The following GKAP1 variants were observed in gnomAD, a reference collection of about 807,000 sequenced individuals.
The protein encoded by GKAP1 is G kinase anchoring protein 1.
Under a neutral mutation model 56.7 loss-of-function variants are expected in GKAP1, and 31 were observed. That is an observed-to-expected ratio of 0.55 (90% CI 0.41 to 0.74). The LOEUF (loss-of-function observed/expected upper bound fraction) is 0.74, where lower values mean the gene tolerates loss of function less well. GKAP1 is among the 30% of genes least tolerant of loss of function. GKAP1 has a pLI of 0.00. For synonymous variants in GKAP1, 151 were observed against 138.6 expected (o/e 1.09, Z -0.63); for missense variants, 364 against 402.3 (o/e 0.90, Z 0.82).
At chr9:83,760,934 A>G (rs921881397) in intron 8 of GKAP1, among the ~76,000 whole-genome samples, 1 of 152,010 alleles carries the variant, frequency 6.6e-6, no homozygotes, top group Non-Finnish European at 1.5e-5. Flanking sequence ...CAAATAAACA[A>G]CCTAACAATT....
chr9:83,806,713 A>G (rs1944444621), intron 2 of GKAP1, among the ~76,000 whole-genome samples, 153 bp from the exon 3 acceptor site: 2 of 152,236 alleles, frequency 1.3e-5, no homozygotes, highest in South Asian at 4.1e-4. Flanking sequence ...TAGCAATAAC[A>G]TACTTTTATA....
At chr9:83,808,170 T>A (rs1255375661) in intron 2 of GKAP1, among the ~76,000 whole-genome samples, 2 of 152,210 alleles carry the variant, frequency 1.3e-5, no homozygotes, top group East Asian at 3.8e-4. Context: ...TTGGCTCCAA[T>A]CTTTTCTACA....
In GKAP1 at chr9:83,763,138, T is replaced by C. The variant is rs112964471; in HGVS notation, c.738+5680A>G. On this transcript the variant is annotated intron_variant, in intron 8 of 12. Transcript: ENST00000376371. ...AAAGATCTTGTTATTTGCAACAACA[T>C]GGGTGGAACTGGAGGTCATATGCTA... 3.5e-3 allele frequency among the ~76,000 whole-genome samples: 534 copies of C among 152,246 alleles called. 1 individual carries two copies. The highest frequency in any genetic ancestry group is 0.01 in the African/African-American group (416 of 41,550).
intron 7 of GKAP1, among the ~76,000 whole-genome samples, chr9:83,772,433 T>C (rs1204749248): frequency 3.9e-5 from 6 of 152,256 alleles, no homozygotes; most frequent in Admixed American, 6.5e-5. Context: ...CACAGACTCT[T>C]AAAGGAAGAA....
At chr9:83,797,071 G>A (rs1944260205) in intron 4 of GKAP1, among the ~76,000 whole-genome samples, 1 of 152,152 alleles carries the variant, frequency 6.6e-6, no homozygotes, top group Admixed American at 6.6e-5. Context: ...TCCAGTGTTT[G>A]CTCATAAACA....
intron 8 of GKAP1, among the ~76,000 whole-genome samples, chr9:83,765,336 G>A (rs115755941): frequency 1.3e-5 from 2 of 152,226 alleles, no homozygotes; most frequent in Non-Finnish European, 2.9e-5. Context: ...GGATGTCCAG[G>A]TAGAGAGGTG....
intron 4 of GKAP1, among the ~76,000 whole-genome samples, chr9:83,790,307 T>G (rs530608039): frequency 1.3e-5 from 2 of 152,234 alleles, no homozygotes; most frequent in Non-Finnish European, 2.9e-5. Context: ...TCTGAACTAG[T>G]AATTAGCAAG....
chr9:83,742,395 G>T (rs996765499), intron 11 of GKAP1, 135 bp downstream of exon 11: 4 of 614,412 alleles, frequency 6.5e-6, no homozygotes, highest in Non-Finnish European at 8.5e-6. Flanking sequence ...CTTCATTCAT[G>T]GGCTATTACA....
intron 3 of GKAP1, among the ~76,000 whole-genome samples, chr9:83,805,818 T>G (rs528765184): frequency 6.6e-6 from 1 of 152,294 alleles, no homozygotes; most frequent in East Asian, 1.9e-4. Context: ...AGAAAAAACG[T>G]ACTTTAAAAA....
chr9:83,747,480 T>G (rs1017190463), intron 10 of GKAP1, among the ~76,000 whole-genome samples: 2 of 152,166 alleles, frequency 1.3e-5, no homozygotes, highest in African/African-American at 4.8e-5. Context: ...AGCAGAATCC[T>G]AAGCAAATGT....
At chr9:83,792,499 C>T (rs889567683) in intron 4 of GKAP1, among the ~76,000 whole-genome samples, 1 of 151,966 alleles carries the variant, frequency 6.6e-6, no homozygotes, top group Non-Finnish European at 1.5e-5. Flanking sequence ...TGTAGCAGCG[C>T]AGAAAATAAA....
rs114230717 is a variant in GKAP1, at chr9:83,786,072, T to C, written c.439-1234A>G. Among the ~76,000 whole-genome samples, 694 of 152,250 alleles carry C rather than the reference T, an allele frequency of 4.6e-3. 2 individuals carry two copies. Among genetic ancestry groups the C allele is most frequent in the African/African-American group, 0.016 (651 of 41,554 alleles). ...GTAATAAGACTCTTTAAAGAATCCTTTCCTAAAACCCATCCCCAACAAAGG... is the reference window on the plus strand; with the variant it reads ...GTAATAAGACTCTTTAAAGAATCCTCTCCTAAAACCCATCCCCAACAAAGG... On this transcript the variant is annotated intron_variant, in intron 5 of 12. Transcript: ENST00000376371.
At chr9:83,780,663 A>G (rs1040688882) in intron 6 of GKAP1, among the ~76,000 whole-genome samples, 8 of 152,136 alleles carry the variant, frequency 5.3e-5, no homozygotes, top group Admixed American at 1.3e-4. Flanking sequence ...ATCAAGGGAT[A>G]TTATTGCATT....
chr9:83,753,213 A>C lies in GKAP1; in HGVS notation c.840+45T>G, dbSNP rs563272405. 1.2e-4 allele frequency: 144 copies of C among 1,161,926 alleles called. 2 individuals carry two copies. The South Asian group carries it at 1.8e-3, about 15-fold the overall frequency. The allele number at this position is 1,161,926 out of a possible 1,614,324, so 72.0% of individuals were successfully genotyped here. A position where few individuals can be genotyped will look rare whatever the true frequency, so the allele number is the denominator to read the frequency against. On this transcript the variant is annotated intron_variant, in intron 9 of 12. Coordinates refer to ENST00000376371, the MANE Select transcript of GKAP1 (RefSeq NM_025211.4). ...ATATAAGAAAAACAGAAAACGTGAAAATTTATAGAATTATTTTCTTTAACA... is the reference window on the plus strand; with the variant it reads ...ATATAAGAAAAACAGAAAACGTGAACATTTATAGAATTATTTTCTTTAACA...
intron 8 of GKAP1, among the ~76,000 whole-genome samples, chr9:83,754,893 G>A (rs1172544624): frequency 6.6e-6 from 1 of 152,172 alleles, no homozygotes; most frequent in Non-Finnish European, 1.5e-5. Context: ...GGTAAGACAG[G>A]TAGAAAGATC....
At chr9:83,804,661 G>C (rs963513500) in intron 3 of GKAP1, among the ~76,000 whole-genome samples, 1 of 145,906 alleles carries the variant, frequency 6.9e-6, no homozygotes, top group East Asian at 2.1e-4. Context: ...CGCCCCGTCC[G>C]GGAGGGAGGT....
At chr9:83,794,591 T>C (rs1359729306) in intron 4 of GKAP1, among the ~76,000 whole-genome samples, 1 of 152,122 alleles carries the variant, frequency 6.6e-6, no homozygotes, top group Admixed American at 6.5e-5. Flanking sequence ...GTGAGAAAAA[T>C]ACCAGTGACG....
intron 8 of GKAP1, 51 bp downstream of exon 8, chr9:83,768,767 A>G (rs1943706014): frequency 2.0e-6 from 3 of 1,517,880 alleles, no homozygotes; most frequent in Non-Finnish European, 2.7e-6. Flanking sequence ...AAAAATAAAA[A>G]TTACATTTCA....
At chr9:83,749,043 CTT>C (rs1467712432) in intron 9 of GKAP1, 1 of 152,006 alleles carries the variant, frequency 6.6e-6, no homozygotes, top group Middle Eastern at 3.2e-3. Flanking sequence ...TCTTTCAACT[CTT>C]TTTCAATTTC....
Sources: gnomAD v4.1 joint callset for allele counts (sites outside exome capture counted in the v4.1 genomes callset) on GRCh38, gnomAD v4.1.1 for gene constraint, MANE v1.5 for transcripts, NCBI Gene and HGNC (gene_info 2026-07-23, HGNC 2026-07-21) for gene names.